LRRC53: variants seen among roughly 807,000 people sequenced by gnomAD.
LRRC53 encodes leucine rich repeat containing 53.
LRRC53 carries 25 observed loss-of-function variants against 13.6 expected under a neutral mutation model. The observed-to-expected ratio is 1.83, with a 90% CI of 1.34 to 2.56. The LOEUF is 2.56. Among genes scored for constraint, LRRC53 ranks in the 30% most tolerant of loss-of-function variants. The pLI, the probability that LRRC53 is intolerant of heterozygous loss-of-function variation, is 0.00. For synonymous variants in LRRC53, 204 were observed against 109.8 expected (o/e 1.86, Z -5.37); for missense variants, 527 against 275.8 (o/e 1.91, Z -6.45).
intron 1 of LRRC53, among the ~76,000 whole-genome samples, chr1:74,496,901 A>G (rs1669355117): frequency 6.6e-6 from 1 of 152,174 alleles, no homozygotes; most frequent in African/African-American, 2.4e-5. Context: ...AACCTTTCAG[A>G]TGTGAAAACC....
At chr1:74,508,569 A>G (rs1336226041) in intron 1 of LRRC53, among the ~76,000 whole-genome samples, 1 of 152,222 alleles carries the variant, frequency 6.6e-6, no homozygotes, top group Non-Finnish European at 1.5e-5. Flanking sequence ...AATAGCCCAC[A>G]GGCCAGGAGG....
At chr1:74,527,645 C>G in the LRRC53 span, among the ~76,000 whole-genome samples, 1 of 152,280 alleles carries the variant, frequency 6.6e-6, no homozygotes, top group Middle Eastern at 3.4e-3. Flanking sequence ...TCAGCCAGGA[C>G]AGGGTGTTAG....
chr1:74,499,881 A>C (rs2100336060), intron 1 of LRRC53, among the ~76,000 whole-genome samples: 1 of 152,262 alleles, frequency 6.6e-6, no homozygotes, highest in Non-Finnish European at 1.5e-5. Flanking sequence ...TGTGATAAAT[A>C]GTTACATCCA....
chr1:74,479,092 T>C (rs1381660060), intron 3 of LRRC53, among the ~76,000 whole-genome samples: 1 of 152,170 alleles, frequency 6.6e-6, no homozygotes, highest in Non-Finnish European at 1.5e-5. Context: ...AATAATGATT[T>C]ATAGCACATA....
At chr1:74,521,251 G>A in the LRRC53 span, among the ~76,000 whole-genome samples, 259 of 152,254 alleles carry the variant, frequency 1.7e-3, 9 homozygotes, top group South Asian at 0.051. Flanking sequence ...TTCTCTGTGC[G>A]ATCTTGCCCA....
intron 1 of LRRC53, among the ~76,000 whole-genome samples, chr1:74,503,237 T>C (rs1403068149): frequency 6.6e-6 from 1 of 152,210 alleles, no homozygotes; most frequent in East Asian, 1.9e-4. Flanking sequence ...CTCTTTCTCA[T>C]GCATAAATAC....
At chr1:74,482,903 A>G (rs1267607836) in intron 2 of LRRC53, among the ~76,000 whole-genome samples, 1 of 152,100 alleles carries the variant, frequency 6.6e-6, no homozygotes, top group African/African-American at 2.4e-5. Flanking sequence ...ATTGCAGTTC[A>G]GGTTTCTGAT....
At chr1:74,494,481 T>G (rs1436680758) in intron 1 of LRRC53, among the ~76,000 whole-genome samples, 1 of 152,174 alleles carries the variant, frequency 6.6e-6, no homozygotes, top group African/African-American at 2.4e-5. Flanking sequence ...TTTTAGTCTC[T>G]TGTATAATTT....
chr1:74,485,122 T>G (rs961416576), intron 1 of LRRC53, among the ~76,000 whole-genome samples: 2 of 152,198 alleles, frequency 1.3e-5, no homozygotes, highest in African/African-American at 2.4e-5. Flanking sequence ...GTGATAGACA[T>G]GTAAATACCT....
At chr1:74,472,289 T>A (rs1047080955) in intron 4 of LRRC53, 88 bp from the exon 5 acceptor site, 1 of 649,250 alleles carries the variant, frequency 1.5e-6, no homozygotes, top group African/African-American at 1.8e-5. Flanking sequence ...ATGAAAAGTA[T>A]AAAACTGACT....
Position 74,478,729 on chromosome 1 carries a change from C to T in LRRC53, c.904+1424G>A, listed in dbSNP as rs911262752. Among the ~76,000 whole-genome samples the T allele has an allele frequency of 2.0e-5, 3 of 152,226 alleles. No homozygotes were observed. In the East Asian group the frequency reaches 5.8e-4, roughly 29 times the overall value. On this transcript the variant is annotated intron_variant, in intron 3 of 4. Transcript: ENST00000294635. ...TAGTACCTTCTAAACCTATGTGAAC[C>T]CCACCATCTATTGCCTATGCGTGCA...
At chr1:74,532,375 C>A in the LRRC53 span, among the ~76,000 whole-genome samples, 16 of 152,214 alleles carry the variant, frequency 1.1e-4, no homozygotes, top group African/African-American at 3.6e-4. Flanking sequence ...ATCCAAAACC[C>A]TTTAACTTAT....
chr1:74,496,311 A>G (rs2100322146), intron 1 of LRRC53, among the ~76,000 whole-genome samples: 1 of 152,330 alleles, frequency 6.6e-6, no homozygotes, highest in Non-Finnish European at 1.5e-5. Flanking sequence ...TATTACGTGC[A>G]TCATCCCTGC....
At chr1:74,530,659 AG>A in the LRRC53 span, among the ~76,000 whole-genome samples, 1 of 151,948 alleles carries the variant, frequency 6.6e-6, no homozygotes, top group African/African-American at 2.4e-5. Flanking sequence ...GTAAGATGGT[AG>A]GTGGGAAAAT....
At chr1:74,526,748 A>G in the LRRC53 span, among the ~76,000 whole-genome samples, 121 of 152,326 alleles carry the variant, frequency 7.9e-4, 1 homozygote, top group African/African-American at 2.8e-3. Flanking sequence ...ATTCACTGAG[A>G]TATCATTGTT....
At chr1:74,493,759 C>T (rs1390389321) in intron 1 of LRRC53, among the ~76,000 whole-genome samples, 3 of 152,208 alleles carry the variant, frequency 2.0e-5, no homozygotes, top group Non-Finnish European at 2.9e-5. Context: ...ATATTCTTCT[C>T]ACAGACAAAG....
At chr1:74,488,144 G>A (rs1158048772) in intron 1 of LRRC53, among the ~76,000 whole-genome samples, 1 of 152,134 alleles carries the variant, frequency 6.6e-6, no homozygotes, top group Non-Finnish European at 1.5e-5. Flanking sequence ...AAAGAATGAG[G>A]GGGTGTGGCT....
rs141734637 is a variant in LRRC53 at position 74,512,058 on chromosome 1, C to G, written c.-27+468G>C. 2.5e-3 allele frequency among the ~76,000 whole-genome samples: 386 copies of G among 152,284 alleles called. 1 individual carries two copies. The highest frequency in any genetic ancestry group is 8.8e-3 in the African/African-American group (365 of 41,546). On this transcript the variant is annotated intron_variant, in intron 1 of 4. Coordinates refer to ENST00000294635, the MANE Select transcript of LRRC53 (RefSeq NM_001382280.1). ...GCAGCTTCCCTTCCAGTCACTGAGA[C>G]CTCAGACTCTTCTCTTCATTCAGGC...
intron 1 of LRRC53, among the ~76,000 whole-genome samples, chr1:74,500,133 C>T (rs1440626005): frequency 6.6e-6 from 1 of 151,898 alleles, no homozygotes; most frequent in Non-Finnish European, 1.5e-5. Flanking sequence ...TAATTAAAAT[C>T]ATTCTCTCCT....
Sources: gnomAD v4.1 joint callset for allele counts (sites outside exome capture counted in the v4.1 genomes callset) on GRCh38, gnomAD v4.1.1 for gene constraint, MANE v1.5 for transcripts, NCBI Gene and HGNC (gene_info 2026-07-23, HGNC 2026-07-21) for gene names.